KCNT2: variants seen among roughly 807,000 people sequenced by gnomAD.
The protein encoded by KCNT2 is potassium sodium-activated channel subfamily T member 2.
A neutral mutation model predicts 153.8 loss-of-function variants in KCNT2; 67 were observed. That is an observed-to-expected ratio of 0.44 (90% CI 0.36 to 0.53). The LOEUF is 0.53. KCNT2 is among the 20% of genes least tolerant of loss of function. The probability of loss-of-function intolerance (pLI) is 0.00; values close to 1 mark genes in which losing one functional copy is unlikely to be tolerated. For synonymous variants in KCNT2, 500 were observed against 458.8 expected (o/e 1.09, Z -1.15); for missense variants, 975 against 1,354.8 (o/e 0.72, Z 4.40).
chr1:196,253,611 C>A (rs2102307367), intron 26 of KCNT2, among the ~76,000 whole-genome samples: 1 of 151,546 alleles, frequency 6.6e-6, no homozygotes, highest in South Asian at 2.1e-4. Context: ...TTCCCTTTCC[C>A]TGGGGAACAA....
chr1:196,293,700 A>G (rs1660407330), intron 22 of KCNT2, among the ~76,000 whole-genome samples: 1 of 152,158 alleles, frequency 6.6e-6, no homozygotes, highest in Admixed American at 6.5e-5. Context: ...ACTTAAATGT[A>G]AGGCCAGAAA....
chr1:196,369,313 T>A (rs561802164), intron 14 of KCNT2, among the ~76,000 whole-genome samples: 4 of 152,248 alleles, frequency 2.6e-5, no homozygotes, highest in East Asian at 1.9e-4. Flanking sequence ...ATAAATTTTT[T>A]TTTATTTATT....
At chr1:196,574,136 T>C (rs1335615547) in intron 1 of KCNT2, among the ~76,000 whole-genome samples, 5 of 152,016 alleles carry the variant, frequency 3.3e-5, no homozygotes, top group Non-Finnish European at 7.4e-5. Context: ...TAATATTATT[T>C]ATTCTGGAGA....
At chr1:196,340,245 T>G (rs1665486347) in intron 16 of KCNT2, 96 bp downstream of exon 16, 1 of 788,288 alleles carries the variant, frequency 1.3e-6, no homozygotes, top group African/African-American at 1.7e-5. Flanking sequence ...TGAAATTTTC[T>G]TTAAACTTTT....
At chr1:196,531,597 T>C (rs1654950978) in intron 1 of KCNT2, among the ~76,000 whole-genome samples, 3 of 152,132 alleles carry the variant, frequency 2.0e-5, no homozygotes, top group Non-Finnish European at 4.4e-5. Context: ...ATTCTTTTGA[T>C]AACCATTATT....
At chr1:196,329,950 C>CATATATATATATATATATATAT (rs71154737) in intron 18 of KCNT2, among the ~76,000 whole-genome samples, 3 of 73,528 alleles carry the variant, frequency 4.1e-5, no homozygotes, top group African/African-American at 6.7e-5. Flanking sequence ...TTCCTCAAGA[C>CATATATATATATATATATATAT]ATATATATAT....
intron 23 of KCNT2, among the ~76,000 whole-genome samples, chr1:196,285,070 C>T (rs74133655): frequency 1.3e-5 from 2 of 152,032 alleles, no homozygotes; most frequent in African/African-American, 2.4e-5. Flanking sequence ...GAGACAAAAA[C>T]GATGATATTA....
chr1:196,386,794 G>A (rs1670028230), intron 13 of KCNT2, among the ~76,000 whole-genome samples: 1 of 152,044 alleles, frequency 6.6e-6, no homozygotes, highest in Admixed American at 6.6e-5. Context: ...TAGTCCTTAT[G>A]ATTGATTATA....
intron 7 of KCNT2, among the ~76,000 whole-genome samples, chr1:196,466,551 T>A (rs991179901): frequency 6.6e-6 from 1 of 152,058 alleles, no homozygotes; most frequent in Non-Finnish European, 1.5e-5. Flanking sequence ...TAATTTTCAA[T>A]GCAGTAAAAT....
chr1:196,230,603 AC>A lies in KCNT2; in HGVS notation c.3297-2269del, dbSNP rs747141966. On this transcript the variant is annotated intron_variant, in intron 27 of 27. Transcript: ENST00000294725. The stretch of plus-strand genomic sequence containing the variant: ...AGAAGTTTGGAAGAAGTTGACTCCA[AC>A]CCTTATCGATGACTTTGAGGGGATC... Among the ~76,000 whole-genome samples the A allele has an allele frequency of 4.2e-3, 632 of 152,054 alleles. 3 individuals are homozygous for A. The highest frequency in any genetic ancestry group is 0.014 in the African/African-American group (568 of 41,524).
chr1:196,371,936 T>C (rs1668575701), intron 14 of KCNT2, among the ~76,000 whole-genome samples: 2 of 152,086 alleles, frequency 1.3e-5, no homozygotes, highest in Non-Finnish European at 2.9e-5. Flanking sequence ...ACGAAGACGT[T>C]ACGGAAAAAT....
intron 25 of KCNT2, among the ~76,000 whole-genome samples, chr1:196,273,242 C>G (rs1658236413): frequency 6.6e-6 from 1 of 151,762 alleles, no homozygotes; most frequent in Non-Finnish European, 1.5e-5. Flanking sequence ...GAAACAAATA[C>G]TTCTTAGAAT....
intron 1 of KCNT2, among the ~76,000 whole-genome samples, chr1:196,569,950 G>T (rs1383975294): frequency 6.6e-6 from 1 of 151,838 alleles, no homozygotes; most frequent in South Asian, 2.1e-4. Context: ...TGTAGAGATT[G>T]GGGGAAATTT....
At chr1:196,391,426 A>T (rs1003656584) in intron 13 of KCNT2, among the ~76,000 whole-genome samples, 1 of 151,476 alleles carries the variant, frequency 6.6e-6, no homozygotes, top group Non-Finnish European at 1.5e-5. Context: ...TACCATAGGC[A>T]TAGGATATGA....
chr1:196,394,985 G>C (rs540651251), intron 13 of KCNT2, among the ~76,000 whole-genome samples: 5 of 147,618 alleles, frequency 3.4e-5, no homozygotes, highest in South Asian at 2.2e-4. Context: ...CTTTCCAATA[G>C]ATTTTTTTTT....
rs111744637 is a variant in KCNT2, at chr1:196,237,353, T to C, written c.3212-1283A>G. 3.9e-3 allele frequency among the ~76,000 whole-genome samples: 589 copies of C among 151,826 alleles called. 3 individuals are homozygous for C. Among genetic ancestry groups the C allele is most frequent in the Middle Eastern group, 0.01 (3 of 294 alleles). On this transcript the variant is annotated intron_variant, in intron 26 of 27. Transcript: ENST00000294725. The stretch of plus-strand genomic sequence containing the variant: ...GTGTAAAAACAAAAATCCTTATCTT[T>C]CAAGGCAGAAAAATCACAAAATAAT...
intron 12 of KCNT2, among the ~76,000 whole-genome samples, chr1:196,411,789 C>T (rs912128950): frequency 1.3e-5 from 2 of 151,648 alleles, no homozygotes; most frequent in African/African-American, 4.8e-5. Context: ...CTCCCTTATC[C>T]ACAGGGGTGG....
chr1:196,578,454 A>C (rs2148968419), intron 1 of KCNT2, among the ~76,000 whole-genome samples: 1 of 152,260 alleles, frequency 6.6e-6, no homozygotes, highest in East Asian at 1.9e-4. Flanking sequence ...GAATTATGCA[A>C]ATATCACTCC....
intron 7 of KCNT2, among the ~76,000 whole-genome samples, chr1:196,466,587 T>G (rs983758478): frequency 2.6e-5 from 4 of 152,080 alleles, no homozygotes; most frequent in African/African-American, 9.7e-5. Flanking sequence ...CTTACTTTGT[T>G]GTGCCAGATA....
Sources: gnomAD v4.1 joint callset for allele counts (sites outside exome capture counted in the v4.1 genomes callset) on GRCh38, gnomAD v4.1.1 for gene constraint, MANE v1.5 for transcripts, NCBI Gene and HGNC (gene_info 2026-07-23, HGNC 2026-07-21) for gene names.